Variants in FSTL5 observed in about 807,000 individuals in gnomAD.
FSTL5 encodes follistatin like 5.
FSTL5 carries 62 observed loss-of-function variants against 89.1 expected under a neutral mutation model. The ratio of observed to expected loss-of-function variants is 0.70; its 90% CI spans 0.57 to 0.86. The LOEUF is 0.86. Ranked by LOEUF, FSTL5 falls within the 40% of genes least tolerant of loss-of-function variation. FSTL5 has a pLI of 0.00. For missense variants in FSTL5, 1,057 were observed against 1,001.6 expected, an observed-to-expected ratio of 1.06 and a Z score of -0.75; for synonymous variants, 383 against 346.2, an observed-to-expected ratio of 1.11 and a Z score of -1.18.
intron 7 of FSTL5, among the ~76,000 whole-genome samples, chr4:161,650,674 A>G (rs1051969378): frequency 5.9e-5 from 9 of 152,154 alleles, no homozygotes; most frequent in African/African-American, 2.2e-4. Flanking sequence ...CCTTATTACA[A>G]ATGAAGAAAC....
At chr4:161,814,030 A>C (rs2126842737) in intron 4 of FSTL5, among the ~76,000 whole-genome samples, 1 of 152,286 alleles carries the variant, frequency 6.6e-6, no homozygotes, top group Admixed American at 6.5e-5. Flanking sequence ...GTAAGGAAAA[A>C]GAAGAGAGGA....
rs544068715 is a variant in FSTL5, at chr4:161,775,558, C to T, written c.606+320G>A. On this transcript the variant is annotated intron_variant, in intron 5 of 15. Transcript: ENST00000306100. Reference sequence around the variant, plus strand: ...TTGACTTATAGAAAGTTAAACATTGCATGATCTCCAGAATACATTAGGAAA... The same window carrying T: ...TTGACTTATAGAAAGTTAAACATTGTATGATCTCCAGAATACATTAGGAAA... Among the ~76,000 whole-genome samples the T allele has an allele frequency of 3.3e-3, 508 of 152,150 alleles. 5 individuals carry two copies. The highest frequency in any genetic ancestry group is 0.011 in the African/African-American group (472 of 41,538).
chr4:161,935,241 G>C (rs1423483558), intron 3 of FSTL5, among the ~76,000 whole-genome samples: 1 of 151,984 alleles, frequency 6.6e-6, no homozygotes, highest in Non-Finnish European at 1.5e-5. Flanking sequence ...AAGGCAGTAG[G>C]GAGAGAAACC....
intron 3 of FSTL5, among the ~76,000 whole-genome samples, chr4:162,008,771 T>C (rs966276721): frequency 1.3e-5 from 2 of 151,914 alleles, no homozygotes; most frequent in Non-Finnish European, 2.9e-5. Flanking sequence ...TTTTTAAATA[T>C]TTACTATGAA....
chr4:161,780,942 A>G (rs536949177), intron 4 of FSTL5, among the ~76,000 whole-genome samples: 1 of 152,202 alleles, frequency 6.6e-6, no homozygotes, highest in African/African-American at 2.4e-5. Context: ...AGATTCAATC[A>G]AAAGCATAAA....
intron 3 of FSTL5, among the ~76,000 whole-genome samples, chr4:161,927,321 A>C (rs1734154583): frequency 6.6e-6 from 1 of 151,732 alleles, no homozygotes; most frequent in South Asian, 2.1e-4. Flanking sequence ...TCTTATTAAA[A>C]TTTAAAATAG....
intron 4 of FSTL5, among the ~76,000 whole-genome samples, chr4:161,897,575 C>CAAAA (rs35785865): frequency 2.5e-5 from 2 of 81,446 alleles, no homozygotes; most frequent in African/African-American, 8.7e-5. Context: ...AACTCCGTCT[C>CAAAA]AAAAAAAAAA....
At chr4:161,819,913 C>T (rs1730440655) in intron 4 of FSTL5, among the ~76,000 whole-genome samples, 1 of 151,616 alleles carries the variant, frequency 6.6e-6, no homozygotes, top group African/African-American at 2.4e-5. Flanking sequence ...TTGGGTTTTG[C>T]CACAACATAA....
At chr4:162,130,522 A>G (rs1181471054) in intron 1 of FSTL5, among the ~76,000 whole-genome samples, 1 of 152,328 alleles carries the variant, frequency 6.6e-6, no homozygotes, top group East Asian at 1.9e-4. Context: ...AACTTCAAGT[A>G]CAAGTGATTT....
intron 3 of FSTL5, among the ~76,000 whole-genome samples, chr4:161,981,621 A>G (rs1735829704): frequency 1.3e-5 from 2 of 152,156 alleles, no homozygotes; most frequent in Admixed American, 1.3e-4. Flanking sequence ...ATAATGACAT[A>G]TGATTGTATT....
chr4:161,893,472 C>T (rs1453054776), intron 4 of FSTL5, among the ~76,000 whole-genome samples: 1 of 152,040 alleles, frequency 6.6e-6, no homozygotes, highest in Non-Finnish European at 1.5e-5. Context: ...ATGTTCTCAT[C>T]AATATAAACT....
At chr4:161,787,095 A>G (rs1741931742) in intron 4 of FSTL5, among the ~76,000 whole-genome samples, 1 of 152,232 alleles carries the variant, frequency 6.6e-6, no homozygotes, top group South Asian at 2.1e-4. Flanking sequence ...GACATTTTCT[A>G]CTTTAAGTGA....
At chr4:162,126,989 ACTGT>A (rs1732106835) in intron 1 of FSTL5, among the ~76,000 whole-genome samples, 1 of 152,024 alleles carries the variant, frequency 6.6e-6, no homozygotes, top group African/African-American at 2.4e-5. Flanking sequence ...AGCTTGCCTG[ACTGT>A]CGTGGTTTTT....
intron 6 of FSTL5, among the ~76,000 whole-genome samples, chr4:161,747,191 A>T (rs1265168562): frequency 3.9e-5 from 6 of 152,258 alleles, no homozygotes; most frequent in African/African-American, 9.6e-5. Flanking sequence ...CTATGAAATT[A>T]AATGTGACTT....
intron 6 of FSTL5, among the ~76,000 whole-genome samples, chr4:161,668,514 C>T (rs2126695094): frequency 6.6e-6 from 1 of 152,280 alleles, no homozygotes; most frequent in Admixed American, 6.5e-5. Flanking sequence ...AACTCATTCT[C>T]TGAGACCATT....
chr4:161,942,357 C>G (rs144584467), intron 3 of FSTL5, among the ~76,000 whole-genome samples: 1 of 151,270 alleles, frequency 6.6e-6, no homozygotes, highest in Non-Finnish European at 1.5e-5. Context: ...GAAAGATCAA[C>G]ATAATTGACA....
At chr4:161,629,668 A>C (rs750255542) in intron 7 of FSTL5, among the ~76,000 whole-genome samples, 2 of 152,156 alleles carry the variant, frequency 1.3e-5, no homozygotes, top group Non-Finnish European at 2.9e-5. Context: ...TAATGAAAGA[A>C]GCATCTTGGA....
chr4:161,652,800 C>T (rs1414561539), intron 7 of FSTL5, among the ~76,000 whole-genome samples: 1 of 151,826 alleles, frequency 6.6e-6, no homozygotes, highest in Non-Finnish European at 1.5e-5. Flanking sequence ...TTTAATCCTA[C>T]CTAATATACA....
intron 6 of FSTL5, among the ~76,000 whole-genome samples, chr4:161,689,733 C>T (rs1737866234): frequency 6.6e-6 from 1 of 152,050 alleles, no homozygotes; most frequent in African/African-American, 2.4e-5. Context: ...GAAACCACCA[C>T]CTTACTCTGG....
Sources: gnomAD v4.1 joint callset for allele counts (sites outside exome capture counted in the v4.1 genomes callset) on GRCh38, gnomAD v4.1.1 for gene constraint, MANE v1.5 for transcripts, NCBI Gene and HGNC (gene_info 2026-07-23, HGNC 2026-07-21) for gene names.